TIAM2: variants seen among roughly 807,000 people sequenced by gnomAD.
The protein encoded by TIAM2 is TIAM Rac1 associated GEF 2, also known as rho guanine nucleotide exchange factor TIAM2.
Under a neutral mutation model 152.9 loss-of-function variants are expected in TIAM2, and 80 were observed. The observed-to-expected ratio is 0.52, with a 90% CI of 0.44 to 0.63. The LOEUF (loss-of-function observed/expected upper bound fraction) is 0.63, where lower values mean the gene tolerates loss of function less well. TIAM2 is among the 30% of genes least tolerant of loss of function. The probability of loss-of-function intolerance (pLI) is 0.00; values close to 1 mark genes in which losing one functional copy is unlikely to be tolerated. For synonymous variants in TIAM2, 804 were observed against 838.0 expected (o/e 0.96, Z 0.70); for missense variants, 1,965 against 2,120.1 (o/e 0.93, Z 1.44).
chr6:155,123,475 A>G (rs1467881392), intron 2 of TIAM2, among the ~76,000 whole-genome samples: 4 of 152,188 alleles, frequency 2.6e-5, no homozygotes, highest in Admixed American at 6.5e-5. Context: ...TCCAGGTGCT[A>G]GGCCTTGAGT....
chr6:155,112,706 T>C (rs1392940660), intron 2 of TIAM2, among the ~76,000 whole-genome samples: 4 of 152,154 alleles, frequency 2.6e-5, no homozygotes, highest in African/African-American at 9.7e-5. Flanking sequence ...GAACTCCTCA[T>C]CTTGCCCGCG....
At chr6:155,123,376 G>A (rs896180717) in intron 2 of TIAM2, among the ~76,000 whole-genome samples, 7 of 152,188 alleles carry the variant, frequency 4.6e-5, no homozygotes, top group African/African-American at 1.2e-4. Flanking sequence ...GAGGATTCCC[G>A]CCCTTGGTCT....
At chr6:155,038,266 C>T (rs770779960) in intron 1 of TIAM2, among the ~76,000 whole-genome samples, 87 of 152,182 alleles carry the variant, frequency 5.7e-4, no homozygotes, top group Non-Finnish European at 2.8e-4. Context: ...CACCATCTGC[C>T]GGCTAGTTCT....
At chr6:155,217,101 A>T in intron 15 of TIAM2, 1 of 1,289,518 alleles carries the variant, frequency 7.8e-7, no homozygotes, top group South Asian at 1.2e-5. Context: ...GTAAGTAAAC[A>T]AGGGCTTTGA....
chr6:155,092,523 T>C (rs1207400376), intron 2 of TIAM2, among the ~76,000 whole-genome samples: 2 of 152,190 alleles, frequency 1.3e-5, no homozygotes, highest in Non-Finnish European at 2.9e-5. Flanking sequence ...TCTGCTGTTT[T>C]ATTTAGTATA....
At chr6:155,188,108 C>T (rs9371870) in intron 14 of TIAM2, among the ~76,000 whole-genome samples, 51,487 of 152,068 alleles carry the variant, frequency 0.34, 9,397 homozygotes, top group Admixed American at 0.45. Context: ...GCAAAGTTCC[C>T]GGCACATGAT....
At chr6:155,087,390 CAGTATGATGTATTTAG>C (rs1778194731) in intron 1 of TIAM2, among the ~76,000 whole-genome samples, 1 of 152,146 alleles carries the variant, frequency 6.6e-6, no homozygotes. Flanking sequence ...TAAAGATTGT[CAGTATGATGTATTTAG>C]ACAGAGCCTA....
chr6:155,203,507 GTAGAATGTAAGTATTAAA>G (rs369441840), intron 14 of TIAM2, among the ~76,000 whole-genome samples: 56 of 152,320 alleles, frequency 3.7e-4, no homozygotes, highest in African/African-American at 1.3e-3. Flanking sequence ...TCAGTAGATA[GTAGAATGTAAGTATTAAA>G]TGTCAGAGAC....
At chr6:155,087,764 T>C (rs558676793) in intron 1 of TIAM2, among the ~76,000 whole-genome samples, 9 of 151,968 alleles carry the variant, frequency 5.9e-5, no homozygotes, top group African/African-American at 1.9e-4. Flanking sequence ...ATGAAATAAA[T>C]AAAATAAAAT....
At chr6:155,250,622 C>G in intron 21 of TIAM2, 1 of 1,535,892 alleles carries the variant, frequency 6.5e-7, no homozygotes, top group Non-Finnish European at 8.7e-7. Context: ...ACCACGGACA[C>G]TGGTAGAGTT....
chr6:155,256,916 C>T lies in TIAM2; in HGVS notation c.4901C>T (p.Pro1634Leu). Residue 1634 changes from proline (P) to leucine (L), a missense_variant, in exon 27 of 27, where the codon CCC becomes CTC. Transcript: ENST00000682666. ...AAACTGGTCCGGGGGCACTTCTGCC[C>T]CATTAAACGAAAAGCCAACAGCACC... is the stretch of plus-strand genomic sequence containing the variant. Reference protein sequence around the residue: ...QPKLVRGHFCPIKRKANSTKR... With the variant: ...QPKLVRGHFCLIKRKANSTKR... 6.2e-7 allele frequency: 1 copy of T among 1,614,132 alleles called. No individual in the cohort carries two copies. The highest frequency in any genetic ancestry group is 1.7e-5 in the Admixed American group (1 of 60,020).
chr6:155,220,840 T>C lies in TIAM2; in HGVS notation c.3168+9533T>C, dbSNP rs144717879. Among the ~76,000 whole-genome samples, 386 of 152,288 alleles carry C rather than the reference T, an allele frequency of 2.5e-3. 1 individual carries two copies. The highest frequency in any genetic ancestry group is 8.9e-3 in the African/African-American group (368 of 41,542). ...TGCAGGTTTGTTACATAGGTATACA[T>C]GTGCCACGCTGGTTTGCTGCACCCA... On this transcript the variant is annotated intron_variant, in intron 15 of 26. Transcript: ENST00000682666.
At chr6:155,246,706 A>C (rs1783356684) in intron 19 of TIAM2, among the ~76,000 whole-genome samples, 1 of 152,176 alleles carries the variant, frequency 6.6e-6, no homozygotes. Flanking sequence ...ATACATATTG[A>C]CAGTCAGTGC....
rs111319813 is a variant in TIAM2 at position 155,256,247 on chromosome 6, A to G, written c.4469-237A>G. 1,510 of 614,732 alleles carry G rather than the reference A, an allele frequency of 2.5e-3. 23 individuals are homozygous for G. In the African/African-American group the frequency reaches 0.026, roughly 10 times the overall value. The allele number at this position is 614,732 out of a possible 1,614,324, so 38.1% of individuals were successfully genotyped here. A position where few individuals can be genotyped will look rare whatever the true frequency, so the allele number is the denominator to read the frequency against. On this transcript the variant is annotated intron_variant, in intron 26 of 26. Coordinates refer to ENST00000682666, the MANE Select transcript of TIAM2 (RefSeq NM_012454.4). The stretch of plus-strand genomic sequence containing the variant: ...TCTAGTGTCTAGTTCTATTTACATA[A>G]TTGAGCTCTGGTAATCTAAAAATGC...
intron 1 of TIAM2, among the ~76,000 whole-genome samples, chr6:155,029,394 T>C (rs193053815): frequency 0.043 from 2,978 of 69,766 alleles, 188 homozygotes; most frequent in Middle Eastern, 0.071. Context: ...GTTATATATA[T>C]ACTATAGTAT....
intron 4 of TIAM2, among the ~76,000 whole-genome samples, chr6:155,133,737 C>G (rs913990169): frequency 7.1e-6 from 1 of 140,980 alleles, no homozygotes; most frequent in African/African-American, 3.2e-5. Context: ...TGAGTTTTTA[C>G]TCTTTTTTTT....
Position 155,126,562 on chromosome 6 carries a change from T to C in TIAM2, c.-117-928T>C, listed in dbSNP as rs1044154821. ...GTCTGACCAACATGGAGAAACCCTG[T>C]CTCTACTAAAAATACAAAATTAGCT... On this transcript the variant is annotated intron_variant, in intron 2 of 26. Transcript: ENST00000682666. Among the ~76,000 whole-genome samples, 32 of 152,096 alleles carry C rather than the reference T, an allele frequency of 2.1e-4. 1 individual carries two copies. The highest frequency in any genetic ancestry group is 4.3e-4 in the Non-Finnish European group (29 of 68,036).
At chr6:155,190,866 G>A (rs1181899495) in intron 14 of TIAM2, among the ~76,000 whole-genome samples, 2 of 152,046 alleles carry the variant, frequency 1.3e-5, no homozygotes, top group Non-Finnish European at 2.9e-5. Context: ...TCACTTTCCT[G>A]TCGGTGTTAT....
intron 15 of TIAM2, among the ~76,000 whole-genome samples, chr6:155,227,576 G>A (rs564690378): frequency 6.6e-6 from 1 of 152,316 alleles, no homozygotes; most frequent in South Asian, 2.1e-4. Flanking sequence ...GTAGAAGAAA[G>A]GGGAGAAAAC....
Sources: gnomAD v4.1 joint callset for allele counts (sites outside exome capture counted in the v4.1 genomes callset) on GRCh38, gnomAD v4.1.1 for gene constraint, MANE v1.5 for transcripts, NCBI Gene and HGNC (gene_info 2026-07-23, HGNC 2026-07-21) for gene names.